The following NALCN variants were observed in gnomAD, a reference collection of about 807,000 sequenced individuals.
NALCN encodes the protein sodium leak channel, non-selective.
Under a neutral mutation model 225.3 loss-of-function variants are expected in NALCN, and 111 were observed. That is an observed-to-expected ratio of 0.49 (90% CI 0.42 to 0.58). The LOEUF (loss-of-function observed/expected upper bound fraction) is 0.58, where lower values mean the gene tolerates loss of function less well. Ranked by LOEUF, NALCN falls within the 20% of genes least tolerant of loss-of-function variation. The pLI is 0.00. For missense variants in NALCN, 1,378 were observed against 2,202.4 expected (o/e 0.63, Z 7.49); for synonymous variants, 764 against 769.0 (o/e 0.99, Z 0.11).
chr13:101,226,066 T>C (rs1476711954), intron 13 of NALCN, among the ~76,000 whole-genome samples: 1 of 152,102 alleles, frequency 6.6e-6, no homozygotes, highest in African/African-American at 2.4e-5. Flanking sequence ...AGGGACTGGA[T>C]TGACAGAGCA....
At position 101,403,257 on chromosome 13, in the gene NALCN, C is replaced by G. The variant is rs550523136; in HGVS notation, c.-39-4092G>C. Among the ~76,000 whole-genome samples, 441 of 152,300 alleles carry G rather than the reference C, an allele frequency of 2.9e-3. 6 individuals carry two copies. The highest frequency in any genetic ancestry group is 1.0e-2 in the African/African-American group (415 of 41,554). On this transcript the variant is annotated intron_variant, in intron 1 of 43. Coordinates refer to ENST00000251127, the MANE Select transcript of NALCN (RefSeq NM_052867.4). ...ACTGAATATGAAGGCATTCTTGAAG[C>G]TTACGAACTGCCTACTTTATTTAAC... is the stretch of plus-strand genomic sequence containing the variant.
chr13:101,221,486 C>G (rs1344723374), intron 13 of NALCN, among the ~76,000 whole-genome samples: 2 of 152,138 alleles, frequency 1.3e-5, no homozygotes, highest in African/African-American at 4.8e-5. Context: ...TGGACCAACC[C>G]TGACACAGGC....
intron 7 of NALCN, among the ~76,000 whole-genome samples, chr13:101,313,890 A>G (rs2044451326): frequency 6.6e-6 from 1 of 152,134 alleles, no homozygotes; most frequent in South Asian, 2.1e-4. Flanking sequence ...TATTCACAAT[A>G]GCAAAGACTT....
At chr13:101,279,832 AAATAAAATAAATAAATAAATAAAT>A (rs1566524259) in intron 10 of NALCN, among the ~76,000 whole-genome samples, 7 of 48,192 alleles carry the variant, frequency 1.5e-4, no homozygotes, top group African/African-American at 3.7e-4. Context: ...ATAAATAAAT[AAATAAAATAAATAAATAAATAAAT>A]AAATAAATAA....
intron 10 of NALCN, among the ~76,000 whole-genome samples, chr13:101,259,614 A>G (rs1594547406): frequency 6.6e-6 from 1 of 151,560 alleles, no homozygotes; most frequent in East Asian, 2.0e-4. Flanking sequence ...GATTACAGGC[A>G]TGAGCCACCA....
intron 7 of NALCN, among the ~76,000 whole-genome samples, chr13:101,319,933 T>C (rs949613324): frequency 1.3e-5 from 2 of 152,210 alleles, no homozygotes; most frequent in Non-Finnish European, 2.9e-5. Flanking sequence ...TAAATAGGTC[T>C]TTTTCTTTTA....
intron 10 of NALCN, among the ~76,000 whole-genome samples, chr13:101,270,044 C>T (rs1010519393): frequency 3.3e-5 from 5 of 152,054 alleles, no homozygotes; most frequent in Non-Finnish European, 7.4e-5. Context: ...GCCTGATGTT[C>T]CTAGACTTCA....
At chr13:101,126,181 C>T (rs999974294) in intron 17 of NALCN, among the ~76,000 whole-genome samples, 5 of 152,124 alleles carry the variant, frequency 3.3e-5, no homozygotes, top group African/African-American at 1.2e-4. Context: ...TAGATAACAT[C>T]AAAACTAGCA....
chr13:101,383,399 T>TA (rs1465329986), intron 3 of NALCN, among the ~76,000 whole-genome samples: 1 of 151,978 alleles, frequency 6.6e-6, no homozygotes, highest in East Asian at 1.9e-4. Context: ...TCTCTGGAGT[T>TA]ACATTAGAAA....
chr13:101,109,453 G>A (rs961620112), intron 20 of NALCN, among the ~76,000 whole-genome samples: 1 of 152,160 alleles, frequency 6.6e-6, no homozygotes, highest in Non-Finnish European at 1.5e-5. Context: ...AGTTTCTACA[G>A]AATGAAAGCA....
Position 101,089,822 on chromosome 13 carries a change from A to T in NALCN, c.3390+24T>A, listed in dbSNP as rs369782590. Reference sequence around the variant, plus strand: ...AATGAAAGCTGCTCTTGAAGTGTTCAAAGGATTCGATGTGCTCGCTTACCG... The same window carrying T: ...AATGAAAGCTGCTCTTGAAGTGTTCTAAGGATTCGATGTGCTCGCTTACCG... On this transcript the variant is annotated intron_variant, in intron 29 of 43. Coordinates refer to ENST00000251127, the MANE Select transcript of NALCN (RefSeq NM_052867.4). The surrounding 1 kb of genome is among the most constrained non-coding windows in gnomAD (Gnocchi z 4.7). 4 of 1,613,934 alleles carry T rather than the reference A, an allele frequency of 2.5e-6. No homozygotes were observed. The African/African-American group carries it at 5.3e-5, about 22-fold the overall frequency.
At chr13:101,309,789 T>C (rs2044276156) in intron 7 of NALCN, among the ~76,000 whole-genome samples, 2 of 152,250 alleles carry the variant, frequency 1.3e-5, no homozygotes, top group Admixed American at 1.3e-4. Context: ...ATTGAGCATG[T>C]GTAGTTTTCA....
At chr13:101,309,142 C>T (rs918671656) in intron 7 of NALCN, among the ~76,000 whole-genome samples, 2 of 152,100 alleles carry the variant, frequency 1.3e-5, no homozygotes, top group African/African-American at 4.8e-5. Context: ...TAATTTGTCC[C>T]ATTTCAAGGC....
At chr13:101,181,608 G>A (rs377518373) in intron 14 of NALCN, among the ~76,000 whole-genome samples, 16 of 151,530 alleles carry the variant, frequency 1.1e-4, no homozygotes, top group Admixed American at 5.9e-4. Flanking sequence ...GCATGGTGGC[G>A]CATGCCTGTG....
intron 15 of NALCN, among the ~76,000 whole-genome samples, chr13:101,145,925 A>C (rs2037324971): frequency 6.6e-6 from 1 of 152,144 alleles, no homozygotes; most frequent in South Asian, 2.1e-4. Flanking sequence ...GTATGGTTTT[A>C]CTCTATAATT....
At chr13:101,336,642 A>G (rs995828653) in intron 7 of NALCN, among the ~76,000 whole-genome samples, 2 of 152,226 alleles carry the variant, frequency 1.3e-5, no homozygotes, top group Admixed American at 6.5e-5. Flanking sequence ...GGATATATAT[A>G]GAAAAGCTTT....
intron 11 of NALCN, among the ~76,000 whole-genome samples, chr13:101,252,522 G>A (rs1346955958): frequency 6.6e-6 from 1 of 152,162 alleles, no homozygotes; most frequent in African/African-American, 2.4e-5. Flanking sequence ...ATGAGTAGCA[G>A]GGGAAGAGCC....
intron 6 of NALCN, among the ~76,000 whole-genome samples, chr13:101,356,258 C>A (rs976711408): frequency 6.6e-6 from 1 of 151,860 alleles, no homozygotes; most frequent in Non-Finnish European, 1.5e-5. Flanking sequence ...AATTCAGGAG[C>A]TAATTTTTGA....
chr13:101,246,029 G>A (rs1312735596), intron 11 of NALCN, among the ~76,000 whole-genome samples: 1 of 152,122 alleles, frequency 6.6e-6, no homozygotes, highest in Non-Finnish European at 1.5e-5. Context: ...TTGAGCTGCT[G>A]CTTGGGCTCA....
Sources: gnomAD v4.1 joint callset for allele counts (sites outside exome capture counted in the v4.1 genomes callset) on GRCh38, gnomAD v4.1.1 for gene constraint, Gnocchi (gnomAD v3.1) non-coding constraint, MANE v1.5 for transcripts, NCBI Gene and HGNC (gene_info 2026-07-23, HGNC 2026-07-21) for gene names.